The following GAB1 variants were observed in gnomAD, a reference collection of about 807,000 sequenced individuals.
GAB1 encodes GRB2 associated binding protein 1, also known as GRB2-associated-binding protein 1.
Under a neutral mutation model 66.5 loss-of-function variants are expected in GAB1, and 19 were observed. The observed-to-expected ratio is 0.29, with a 90% confidence interval of 0.20 to 0.42. The LOEUF is 0.42. Among genes scored for constraint, GAB1 ranks in the 10% least tolerant of loss-of-function variants. GAB1 has a pLI of 1.00. For missense variants in GAB1, 732 were observed against 858.5 expected (o/e 0.85, Z 1.84); for synonymous variants, 294 against 301.4 (o/e 0.98, Z 0.25).
At position 143,472,772 on chromosome 4, in the gene GAB1, A is replaced by T. The variant is rs906272101; in HGVS notation, c.*3583A>T. On this transcript the variant is annotated 3_prime_UTR_variant, in exon 10 of 10. Coordinates refer to ENST00000262994, the MANE Select transcript of GAB1 (RefSeq NM_002039.4). Reference sequence around the variant, plus strand: ...ATCAGGTCCGTGACAGGGATTGGACATATGAACAAATTAAGTGGATACACA... The same window carrying T: ...ATCAGGTCCGTGACAGGGATTGGACTTATGAACAAATTAAGTGGATACACA... 1 of 152,176 alleles carries T rather than the reference A, an allele frequency of 6.6e-6. No individual in the cohort carries two copies. Among genetic ancestry groups the T allele is most frequent in the African/African-American group, 2.4e-5 (1 of 41,460 alleles). The allele number at this position is 152,176 out of a possible 1,614,324, so 9.4% of individuals were successfully genotyped here.
At chr4:143,456,421 C>T (rs1735194570) in intron 6 of GAB1, among the ~76,000 whole-genome samples, 1 of 150,336 alleles carries the variant, frequency 6.7e-6, no homozygotes, top group Non-Finnish European at 1.5e-5. Flanking sequence ...TGTGCCATTG[C>T]ACTCTAGCCT....
At chr4:143,406,527 A>G (rs1732049780) in intron 1 of GAB1, among the ~76,000 whole-genome samples, 1 of 152,218 alleles carries the variant, frequency 6.6e-6, no homozygotes, top group East Asian at 1.9e-4. Flanking sequence ...AACTCCAACT[A>G]ACAGAGCCTT....
At chr4:143,375,038 C>G (rs6844575) in intron 1 of GAB1, among the ~76,000 whole-genome samples, 2,833 of 152,308 alleles carry the variant, frequency 0.019, 87 homozygotes, top group African/African-American at 0.065. Context: ...ACCTCCGCCC[C>G]CTGGGCTCAA....
chr4:143,467,887 T>C (rs948111633), intron 9 of GAB1, among the ~76,000 whole-genome samples: 1 of 152,214 alleles, frequency 6.6e-6, no homozygotes, highest in African/African-American at 2.4e-5. Context: ...CCACTCCCTC[T>C]ACTTCTCTTA....
At chr4:143,368,758 A>G (rs1214878247) in intron 1 of GAB1, among the ~76,000 whole-genome samples, 1 of 152,226 alleles carries the variant, frequency 6.6e-6, no homozygotes, top group Non-Finnish European at 1.5e-5. Flanking sequence ...GTATAAAGAA[A>G]TACTTGGTGC....
rs1429609747 is a variant in GAB1 at position 143,399,357 on chromosome 4, GTTTTGGC to G, written c.73-16116_73-16110del. On this transcript the variant is annotated intron_variant, in intron 1 of 9. Transcript: ENST00000262994. Reference sequence around the variant, plus strand: ...TAAACCTACCTAAGTTGAAACAAAAGTTTTGGCTTTAGGACAAAAGGGTTTAATAGGA... The same window carrying G: ...TAAACCTACCTAAGTTGAAACAAAAGTTTAGGACAAAAGGGTTTAATAGGA... Among the ~76,000 whole-genome samples the G allele has an allele frequency of 3.9e-5, 6 of 152,224 alleles. No individual in the cohort carries two copies. In the South Asian group the frequency reaches 1.2e-3, roughly 31 times the overall value.
At chr4:143,445,996 A>C (rs1208112409) in intron 6 of GAB1, among the ~76,000 whole-genome samples, 2 of 151,840 alleles carry the variant, frequency 1.3e-5, no homozygotes, top group Non-Finnish European at 2.9e-5. Flanking sequence ...TCCTGTGTCC[A>C]TCTGTTCTCA....
intron 1 of GAB1, among the ~76,000 whole-genome samples, chr4:143,351,240 A>C (rs1020392393): frequency 1.3e-5 from 2 of 152,178 alleles, no homozygotes; most frequent in Admixed American, 1.3e-4. Context: ...ATTGGATCAC[A>C]CGTGGGGCTG....
In GAB1 at chr4:143,393,219, G is replaced by GTT. The variant is rs1263534282; in HGVS notation, c.73-22248_73-22247dup. Among the ~76,000 whole-genome samples, 274 of 137,672 alleles carry GTT rather than the reference G, an allele frequency of 2.0e-3. 2 individuals carry two copies. The highest frequency in any genetic ancestry group is 6.9e-3 in the African/African-American group (257 of 37,156). The allele number at this position is 137,672 out of a possible 152,430, so 90.3% of individuals were successfully genotyped here. A position where few individuals can be genotyped will look rare whatever the true frequency, so the allele number is the denominator to read the frequency against. ...AAGAAGGTTTTTCACATTTACAAAGGTTTTTTTTTTTAAAAAAAAAAAAAG... is the reference window on the plus strand; with the variant it reads ...AAGAAGGTTTTTCACATTTACAAAGGTTTTTTTTTTTTTAAAAAAAAAAAAAG... On this transcript the variant is annotated intron_variant, in intron 1 of 9. Transcript: ENST00000262994.
chr4:143,423,072 A>G (rs141928058), intron 2 of GAB1, among the ~76,000 whole-genome samples: 18 of 152,310 alleles, frequency 1.2e-4, no homozygotes, highest in Admixed American at 1.2e-3. Context: ...GTAGAACAGA[A>G]GTTTATTTTT....
chr4:143,360,706 A>G (rs900860967), intron 1 of GAB1, among the ~76,000 whole-genome samples: 1 of 152,206 alleles, frequency 6.6e-6, no homozygotes, highest in African/African-American at 2.4e-5. Flanking sequence ...TTCATGTGCC[A>G]AAGTTTTGTT....
intron 1 of GAB1, among the ~76,000 whole-genome samples, chr4:143,338,081 T>A (rs1728719275): frequency 1.3e-5 from 2 of 152,230 alleles, no homozygotes; most frequent in South Asian, 4.1e-4. Flanking sequence ...GTGTAATTGA[T>A]ACAAGATGCT....
intron 1 of GAB1, among the ~76,000 whole-genome samples, chr4:143,375,868 C>T (rs1010289726): frequency 6.6e-6 from 1 of 152,014 alleles, no homozygotes. Context: ...AGTAGTGCAC[C>T]CCATCCCCAG....
chr4:143,382,035 G>A (rs537115178), intron 1 of GAB1: 6 of 152,298 alleles, frequency 3.9e-5, no homozygotes, highest in Admixed American at 2.0e-4. Flanking sequence ...TGAAAGGTGT[G>A]TTTGCTTTCC....
At chr4:143,445,488 C>T (rs1017468147) in intron 6 of GAB1, among the ~76,000 whole-genome samples, 3 of 152,008 alleles carry the variant, frequency 2.0e-5, no homozygotes, top group Admixed American at 2.0e-4. Context: ...CTGGATATTA[C>T]CTCTTTCTCA....
At chr4:143,387,817 G>A (rs1010511605) in intron 1 of GAB1, among the ~76,000 whole-genome samples, 6 of 152,022 alleles carry the variant, frequency 3.9e-5, no homozygotes, top group Non-Finnish European at 7.4e-5. Flanking sequence ...AGGTCCTCCC[G>A]CTCCTTGATC....
intron 1 of GAB1, among the ~76,000 whole-genome samples, chr4:143,373,044 AACACACACACACACACAC>A (rs36205621): frequency 6.7e-6 from 1 of 148,154 alleles, no homozygotes; most frequent in African/African-American, 2.5e-5. Context: ...TTCCTTTAAA[AACACACACACACACACAC>A]ACACACACAC....
intron 1 of GAB1, among the ~76,000 whole-genome samples, chr4:143,389,147 A>G (rs1177225909): frequency 6.6e-6 from 1 of 152,244 alleles, no homozygotes; most frequent in Admixed American, 6.5e-5. Flanking sequence ...TGGTAATCAA[A>G]TGTAAGAAGA....
chr4:143,347,779 A>G lies in GAB1; in HGVS notation c.72+10519A>G, dbSNP rs78252283. ...TCAGGTACTCTGTGAAGGCTTAATG[A>G]AGGTGGCAAGAGGCATTTCACCAGC... On this transcript the variant is annotated intron_variant, in intron 1 of 9. Coordinates refer to ENST00000262994, the MANE Select transcript of GAB1 (RefSeq NM_002039.4). 5.0e-3 allele frequency among the ~76,000 whole-genome samples: 768 copies of G among 152,346 alleles called. 3 individuals are homozygous for G. Among genetic ancestry groups the G allele is most frequent in the Middle Eastern group, 0.01 (3 of 294 alleles).
Sources: allele counts gnomAD v4.1 joint callset (sites outside exome capture counted in the v4.1 genomes callset), GRCh38; gene constraint gnomAD v4.1.1; transcripts MANE v1.5; gene names NCBI Gene and HGNC (gene_info 2026-07-23, HGNC 2026-07-21).